The following CEACAM7 variants were observed in gnomAD, a reference collection of about 807,000 sequenced individuals.
The protein encoded by CEACAM7 is cell adhesion molecule CEACAM7.
CEACAM7 carries 24 observed loss-of-function variants against 25.7 expected under a neutral mutation model. That is an observed-to-expected ratio of 0.93 (90% confidence interval 0.68 to 1.31). CEACAM7 has a LOEUF of 1.31. CEACAM7 is among the 40% of genes most tolerant of loss of function. The probability of loss-of-function intolerance (pLI) is 0.00; values close to 1 mark genes in which losing one functional copy is unlikely to be tolerated. For missense variants in CEACAM7, 324 were observed against 330.1 expected (o/e 0.98, Z 0.14); for synonymous variants, 144 against 129.4 (o/e 1.11, Z -0.77).
At position 41,677,536 on chromosome 19, in the gene CEACAM7, T is replaced by A. The variant is rs782357910; in HGVS notation, c.707-33A>T. On this transcript the variant is annotated intron_variant, in intron 3 of 4. Transcript: ENST00000401731. ...GGAAAGAAAAGAGAAGGAATGAAGT[T>A]GATCTTATTTTACAGGGAAGTCCCC... 1.9e-6 allele frequency: 3 copies of A among 1,540,548 alleles called. No homozygotes were observed. The Admixed American group carries it at 5.0e-5, about 26-fold the overall frequency.
Position 41,687,086 on chromosome 19 carries a change from C to G in CEACAM7, c.200G>C (p.Trp67Ser), listed in dbSNP as rs782249803. 1 of 1,614,012 alleles carries G rather than the reference C, an allele frequency of 6.2e-7. No homozygotes were observed. The change falls in exon 2 of 5, where the codon TGG becomes TCG. Residue 67 changes from tryptophan (W) to serine (S), a missense_variant. Coordinates refer to ENST00000401731, the MANE Select transcript of CEACAM7 (RefSeq NM_001291485.2). ...GGCATGCACCCTTTCCCCTTTGTAC[C>G]AGTTGTAGCCATAAAGATTCTGGGA... ...NESQNLYGYNWYKGERVHANY... is the reference protein window; with the variant it reads ...NESQNLYGYNSYKGERVHANY...
intron 3 of CEACAM7, among the ~76,000 whole-genome samples, chr19:41,680,109 T>C (rs187559743): frequency 2.0e-5 from 3 of 151,216 alleles, no homozygotes; most frequent in African/African-American, 7.3e-5. Context: ...TGTAAGCCGT[T>C]GCATCCAGCC....
intron 1 of CEACAM7, 121 bp from the exon 2 acceptor site, chr19:41,687,342 TGTG>T: frequency 1.0e-6 from 1 of 955,858 alleles, no homozygotes; most frequent in Non-Finnish European, 1.6e-6. Flanking sequence ...TGTGTGTGTG[TGTG>T]TGTGTGTCCT....
At chr19:41,675,798 T>G (rs1370364498) in intron 4 of CEACAM7, among the ~76,000 whole-genome samples, 1 of 152,252 alleles carries the variant, frequency 6.6e-6, no homozygotes, top group Non-Finnish European at 1.5e-5. Flanking sequence ...TTCTGTGGCA[T>G]GTAACACTAT....
chr19:41,674,657 T>C lies in CEACAM7; in HGVS notation c.*119A>G. On this transcript the variant is annotated 3_prime_UTR_variant, in exon 5 of 5. Transcript: ENST00000401731. ...GAGTTGTCCACCTCCAGCTTATAGG[T>C]CTTCAGGAAGAGAGCAGGTCTTATA... 1 of 343,206 alleles carries C rather than the reference T, an allele frequency of 2.9e-6. No homozygotes were observed. The highest frequency in any genetic ancestry group is 5.8e-6 in the Non-Finnish European group (1 of 171,372). The allele number at this position is 343,206 out of a possible 1,614,324, so 21.3% of individuals were successfully genotyped here.
Position 41,682,145 on chromosome 19 carries a change from T to C in CEACAM7, c.706+1640A>G, listed in dbSNP as rs1600432728. Among the ~76,000 whole-genome samples the C allele has an allele frequency of 2.0e-5, 3 of 152,258 alleles. 1 individual carries two copies. In the South Asian group the frequency reaches 6.2e-4, roughly 32 times the overall value. On this transcript the variant is annotated intron_variant, in intron 3 of 4. Transcript: ENST00000401731. ...GGGAAGACAGTGTTTCACCATGTTG[T>C]GCAGGCTGGTATTGAACTCCTGAGC...
intron 4 of CEACAM7, 70 bp downstream of exon 4, chr19:41,677,306 C>T: frequency 1.2e-6 from 1 of 812,604 alleles, no homozygotes; most frequent in Admixed American, 2.0e-5. Flanking sequence ...TGAAGAAGTC[C>T]TTTCCCTCTC....
intron 2 of CEACAM7, among the ~76,000 whole-genome samples, chr19:41,685,903 C>A (rs2072220862): frequency 6.6e-6 from 1 of 152,182 alleles, no homozygotes; most frequent in African/African-American, 2.4e-5. Flanking sequence ...CCTGGGGACT[C>A]TGATGTGACT....
intron 3 of CEACAM7, among the ~76,000 whole-genome samples, chr19:41,678,733 G>T (rs1188161479): frequency 6.6e-6 from 1 of 152,142 alleles, no homozygotes; most frequent in Non-Finnish European, 1.5e-5. Context: ...AGCTTTAACA[G>T]CAGCTAACAT....
At chr19:41,677,727 A>T (rs1263176186) in intron 3 of CEACAM7, among the ~76,000 whole-genome samples, 3 of 151,926 alleles carry the variant, frequency 2.0e-5, no homozygotes, top group African/African-American at 7.3e-5. Flanking sequence ...TTCCATCCTG[A>T]CCTTTTTACA....
At chr19:41,684,742 C>A (rs1417956227) in intron 2 of CEACAM7, among the ~76,000 whole-genome samples, 1 of 152,136 alleles carries the variant, frequency 6.6e-6, no homozygotes, top group Non-Finnish European at 1.5e-5. Flanking sequence ...TTCTCAATGA[C>A]ATAACAAGAA....
intron 2 of CEACAM7, among the ~76,000 whole-genome samples, chr19:41,685,705 G>C (rs558150976): frequency 6.6e-6 from 1 of 152,230 alleles, no homozygotes; most frequent in South Asian, 2.1e-4. Context: ...CAGGATTTCA[G>C]GTCCAGTGAG....
chr19:41,684,370 G>A (rs1179176486), intron 2 of CEACAM7, among the ~76,000 whole-genome samples: 4 of 152,172 alleles, frequency 2.6e-5, no homozygotes, highest in Admixed American at 2.6e-4. Flanking sequence ...TTTCCTGATG[G>A]CTGCCTACCT....
In CEACAM7 at chr19:41,673,471, T is replaced by C. The variant is rs2072085168; in HGVS notation, c.*1305A>G. The C allele has an allele frequency of 6.6e-6, 1 of 152,214 alleles. No individual in the cohort carries two copies. The highest frequency in any genetic ancestry group is 2.1e-4 in the South Asian group (1 of 4,836). 9.4% of individuals were successfully genotyped at this position (152,214 alleles called of 1,614,324 possible). ...AATAAATTGATTTAAATAAACTGAT[T>C]GGTTAATTTCAGAATACTTCATATT... On this transcript the variant is annotated 3_prime_UTR_variant, in exon 5 of 5. Coordinates refer to ENST00000401731, the MANE Select transcript of CEACAM7 (RefSeq NM_001291485.2).
chr19:41,679,968 ATTTTTTTTTTTTTTT>A (rs35163344), intron 3 of CEACAM7, among the ~76,000 whole-genome samples: 2 of 68,880 alleles, frequency 2.9e-5, no homozygotes, highest in African/African-American at 6.0e-5. Context: ...CACCTGGCTA[ATTTTTTTTTTTTTTT>A]TTTTTTTTTT....
At position 41,683,962 on chromosome 19, in the gene CEACAM7, A is replaced by G. The variant is rs1555810944; in HGVS notation, c.529T>C (p.Tyr177His). The change falls in exon 3 of 5, where the codon TAC becomes CAC. Residue 177 changes from tyrosine (Y) to histidine (H), a missense_variant. Tyr to His is a moderately conservative substitution (Grantham distance 83). Coordinates refer to ENST00000401731, the MANE Select transcript of CEACAM7 (RefSeq NM_001291485.2). ...CTCTGATTGTTTACCCACCACAGGTAGGTTGTGTTCTGAGTCTCAGGTTGA... is the reference window on the plus strand; with the variant it reads ...CTCTGATTGTTTACCCACCACAGGTGGGTTGTGTTCTGAGTCTCAGGTTGA... ...TCQPETQNTT[Y>H]LWWVNNQSLL... 18 of 1,614,150 alleles carry G rather than the reference A, an allele frequency of 1.1e-5. No homozygotes were observed. Among genetic ancestry groups the G allele is most frequent in the Non-Finnish European group, 1.5e-5 (18 of 1,179,980 alleles).
At chr19:41,677,001 A>T (rs868920473) in intron 4 of CEACAM7, among the ~76,000 whole-genome samples, 1 of 152,218 alleles carries the variant, frequency 6.6e-6, no homozygotes, top group Admixed American at 6.5e-5. Context: ...TGAAGTAGTC[A>T]TATGCTAGGA....
chr19:41,675,767 C>T (rs1449393556), intron 4 of CEACAM7, among the ~76,000 whole-genome samples: 11 of 152,212 alleles, frequency 7.2e-5, no homozygotes, highest in Admixed American at 5.9e-4. Context: ...AATGACACCA[C>T]TCACAAACAA....
chr19:41,687,399 C>T (rs1180508614), intron 1 of CEACAM7, among the ~76,000 whole-genome samples, 178 bp from the exon 2 acceptor site: 2 of 152,162 alleles, frequency 1.3e-5, no homozygotes, highest in Non-Finnish European at 2.9e-5. Context: ...GCACCTCTGA[C>T]CTTACATTTC....
Sources: gnomAD v4.1 joint callset for allele counts (sites outside exome capture counted in the v4.1 genomes callset) on GRCh38, gnomAD v4.1.1 for gene constraint, MANE v1.5 for transcripts, NCBI Gene and HGNC (gene_info 2026-07-23, HGNC 2026-07-21) for gene names.